Variants in KIAA0930 observed in about 807,000 individuals in gnomAD.
The protein encoded by KIAA0930 is KIAA0930.
A neutral mutation model predicts 43.9 loss-of-function variants in KIAA0930; 24 were observed. The observed-to-expected ratio is 0.55, with a 90% CI of 0.40 to 0.77. The LOEUF is 0.77. KIAA0930 is among the 30% of genes least tolerant of loss of function. The pLI, the probability that KIAA0930 is intolerant of heterozygous loss-of-function variation, is 0.00. For missense variants in KIAA0930, 461 were observed against 574.2 expected, an observed-to-expected ratio of 0.80 and a Z score of 2.02; for synonymous variants, 259 against 216.4, an observed-to-expected ratio of 1.20 and a Z score of -1.73.
At chr22:45,216,002 T>C (rs1409924055) in intron 1 of KIAA0930, among the ~76,000 whole-genome samples, 4 of 147,852 alleles carry the variant, frequency 2.7e-5, no homozygotes, top group African/African-American at 1.0e-4. Context: ...CTCTCCAGCC[T>C]GGGCGACAGA....
rs1168889786 is a variant in KIAA0930 at position 45,194,558 on chromosome 22, A to G, written c.*2618T>C. The stretch of plus-strand genomic sequence containing the variant: ...CAGAAAAATTAAAGATGGTCTTACA[A>G]GAAGTACAAATGTGCCAACACCAGG... On this transcript the variant is annotated 3_prime_UTR_variant, in exon 10 of 10. Transcript: ENST00000336156. 10 of 152,226 alleles carry G rather than the reference A, an allele frequency of 6.6e-5. No individual in the cohort carries two copies. Among genetic ancestry groups the G allele is most frequent in the Non-Finnish European group, 1.5e-5 (1 of 68,038 alleles). 9.4% of individuals were successfully genotyped at this position (152,226 alleles called of 1,614,324 possible). A position where few individuals can be genotyped will look rare whatever the true frequency, so the allele number is the denominator to read the frequency against.
intron 1 of KIAA0930, among the ~76,000 whole-genome samples, chr22:45,221,686 G>C (rs1261966133): frequency 6.6e-6 from 1 of 152,192 alleles, no homozygotes; most frequent in Non-Finnish European, 1.5e-5. Context: ...GAACAGAATA[G>C]AAAGCAAAAA....
At chr22:45,197,442 G>A (rs925688555) in intron 9 of KIAA0930, among the ~76,000 whole-genome samples, 2 of 152,204 alleles carry the variant, frequency 1.3e-5, no homozygotes, top group African/African-American at 4.8e-5. Context: ...GGTGCAAGCT[G>A]GTGTGGGGGC....
intron 6 of KIAA0930, 110 bp from the exon 7 acceptor site, chr22:45,203,294 G>T: frequency 8.9e-7 from 1 of 1,117,630 alleles, no homozygotes; most frequent in East Asian, 2.5e-5. Context: ...AGCGGGGGCT[G>T]CCCGGGAGGG....
rs374793212 is a variant in KIAA0930 at position 45,196,738 on chromosome 22, C to T, written c.*438G>A. ...CGCACGGCATTCCAGAATCTTCCAC[C>T]GGCTTTCCTCAAGAACATGTGGACA... On this transcript the variant is annotated 3_prime_UTR_variant, in exon 10 of 10. Coordinates refer to ENST00000336156, the MANE Select transcript of KIAA0930 (RefSeq NM_001009880.2). This position sits in a 1 kb window ranked among gnomAD's most constrained non-coding sequence, Gnocchi z 4.1. 3.1e-4 allele frequency: 52 copies of T among 165,442 alleles called. No individual in the cohort carries two copies. The highest frequency in any genetic ancestry group is 1.1e-3 in the African/African-American group (45 of 42,126). 10.2% of individuals were successfully genotyped at this position (165,442 alleles called of 1,614,324 possible).
chr22:45,201,382 CT>C (rs2083587512), intron 7 of KIAA0930, among the ~76,000 whole-genome samples: 6 of 152,180 alleles, frequency 3.9e-5, no homozygotes. Flanking sequence ...GCACCAGGGA[CT>C]TTCACACCCC....
intron 1 of KIAA0930, among the ~76,000 whole-genome samples, chr22:45,221,797 C>T (rs2083769462): frequency 6.6e-6 from 1 of 152,142 alleles, no homozygotes; most frequent in African/African-American, 2.4e-5. Flanking sequence ...TACGGTGGCA[C>T]GATCTTGGCT....
chr22:45,236,602 T>G (rs5766581), intron 1 of KIAA0930, among the ~76,000 whole-genome samples: 59,261 of 151,820 alleles, frequency 0.39, 12,894 homozygotes, highest in South Asian at 0.5. Flanking sequence ...TGGAACACCA[T>G]ACCCTCAGCA....
intron 1 of KIAA0930, among the ~76,000 whole-genome samples, chr22:45,236,795 C>T (rs544792280): frequency 5.3e-5 from 8 of 152,334 alleles, no homozygotes; most frequent in African/African-American, 1.9e-4. Flanking sequence ...CAGGATTACT[C>T]CAAAGACAAA....
At position 45,234,646 on chromosome 22, in the gene KIAA0930, A is replaced by G. The variant is rs183602408; in HGVS notation, c.64+5994T>C. On this transcript the variant is annotated intron_variant, in intron 1 of 9. Coordinates refer to ENST00000336156, the MANE Select transcript of KIAA0930 (RefSeq NM_001009880.2). ...GCCAGCTTAAAGACATAATCCAAAT[A>G]CAGACACCTTTGCACGTATAAAAAG... 2.0e-5 allele frequency among the ~76,000 whole-genome samples: 3 copies of G among 152,358 alleles called. No homozygotes were observed. The East Asian group carries it at 5.8e-4, about 29-fold the overall frequency.
At position 45,194,050 on chromosome 22, in the gene KIAA0930, A is replaced by ATTT. The variant is rs2083514213; in HGVS notation, c.*3125_*3126insAAA. The stretch of plus-strand genomic sequence containing the variant: ...GGGGTTTGGGTTTAAAGACCAATGT[A>ATTT]TCTTTTTTTTTTTTTTTTTTTTTTT... On this transcript the variant is annotated 3_prime_UTR_variant, in exon 10 of 10. Coordinates refer to ENST00000336156, the MANE Select transcript of KIAA0930 (RefSeq NM_001009880.2). 2.4e-5 allele frequency: 1 copy of ATTT among 41,612 alleles called. No homozygotes were observed. The highest frequency in any genetic ancestry group is 5.0e-5 in the Non-Finnish European group (1 of 19,834). 2.6% of individuals were successfully genotyped at this position (41,612 alleles called of 1,614,324 possible). A position where few individuals can be genotyped will look rare whatever the true frequency, so the allele number is the denominator to read the frequency against.
In KIAA0930 at chr22:45,205,715, A is replaced by T. The variant is rs111737177; in HGVS notation, c.337-8T>A. ...GGTCACCATGTAGTCCAGCTGGAAG[A>T]GAGCACGGGTCAGCGTGCAGGGAGG... On this transcript the variant is annotated splice_region_variant and splice_polypyrimidine_tract_variant and intron_variant, in intron 3 of 9. Coordinates refer to ENST00000336156, the MANE Select transcript of KIAA0930 (RefSeq NM_001009880.2). 22 of 1,614,006 alleles carry T rather than the reference A, an allele frequency of 1.4e-5. No individual in the cohort carries two copies. Among genetic ancestry groups the T allele is most frequent in the Non-Finnish European group, 1.6e-5 (19 of 1,180,004 alleles).
intron 1 of KIAA0930, among the ~76,000 whole-genome samples, chr22:45,222,091 A>G (rs928944741): frequency 9.2e-5 from 14 of 152,162 alleles, no homozygotes; most frequent in African/African-American, 3.4e-4. Context: ...TTCTTCCACA[A>G]TTGGTCTTGG....
chr22:45,236,646 G>C (rs2083890309), intron 1 of KIAA0930, among the ~76,000 whole-genome samples: 2 of 152,114 alleles, frequency 1.3e-5, no homozygotes, highest in South Asian at 4.1e-4. Context: ...CCTCACCTCT[G>C]CGCAGGGTTA....
At chr22:45,216,641 G>C (rs138379326) in intron 1 of KIAA0930, among the ~76,000 whole-genome samples, 1 of 152,058 alleles carries the variant, frequency 6.6e-6, no homozygotes, top group Non-Finnish European at 1.5e-5. Flanking sequence ...AGGGGCTGCC[G>C]AGCAAGAAAT....
At chr22:45,198,196 C>T (rs1422412435) in intron 8 of KIAA0930, among the ~76,000 whole-genome samples, 1 of 152,242 alleles carries the variant, frequency 6.6e-6, no homozygotes, top group Non-Finnish European at 1.5e-5. Flanking sequence ...CCCCTCATCT[C>T]TCTCTTCTCT....
At chr22:45,202,749 A>G (rs2083600091) in intron 7 of KIAA0930, 3 of 452,994 alleles carry the variant, frequency 6.6e-6, no homozygotes, top group Non-Finnish European at 1.2e-5. Flanking sequence ...GACCTTGGCC[A>G]GGCACAGCCC....
At chr22:45,224,083 C>T (rs529528726) in intron 1 of KIAA0930, among the ~76,000 whole-genome samples, 17 of 152,278 alleles carry the variant, frequency 1.1e-4, no homozygotes, top group South Asian at 2.1e-4. Flanking sequence ...ACCCTGAGCA[C>T]GTTTACCTAT....
rs1030675166 is a variant in KIAA0930 at position 45,222,133 on chromosome 22, G to T, written c.65-10026C>A. 2.0e-5 allele frequency among the ~76,000 whole-genome samples: 3 copies of T among 152,208 alleles called. No individual in the cohort carries two copies. The East Asian group carries it at 5.8e-4, about 29-fold the overall frequency. On this transcript the variant is annotated intron_variant, in intron 1 of 9. Coordinates refer to ENST00000336156, the MANE Select transcript of KIAA0930 (RefSeq NM_001009880.2). The stretch of plus-strand genomic sequence containing the variant: ...TGGCTTGCTGAGGAAAAAGAATAAG[G>T]TTGGGTCCCTGCTCAAGCCAAAATA...
Sources: gnomAD v4.1 joint callset for allele counts (sites outside exome capture counted in the v4.1 genomes callset) on GRCh38, gnomAD v4.1.1 for gene constraint, Gnocchi (gnomAD v3.1) non-coding constraint, MANE v1.5 for transcripts, NCBI Gene and HGNC (gene_info 2026-07-23, HGNC 2026-07-21) for gene names.